The following SGCZ variants were observed in gnomAD, a reference collection of about 807,000 sequenced individuals.
SGCZ encodes the protein sarcoglycan zeta.
Under a neutral mutation model 41.3 loss-of-function variants are expected in SGCZ, and 40 were observed. The ratio of observed to expected loss-of-function variants is 0.97; its 90% confidence interval spans 0.75 to 1.26. SGCZ has a LOEUF of 1.26. Among genes scored for constraint, SGCZ ranks in the 50% most tolerant of loss-of-function variants. The probability of loss-of-function intolerance (pLI) is 0.00; values close to 1 mark genes in which losing one functional copy is unlikely to be tolerated. For missense variants in SGCZ, 552 were observed against 369.8 expected (o/e 1.49, Z -4.04); for synonymous variants, 206 against 137.5 (o/e 1.50, Z -3.49).
At chr8:14,634,250 C>G (rs1162560897) in intron 1 of SGCZ, among the ~76,000 whole-genome samples, 1 of 151,766 alleles carries the variant, frequency 6.6e-6, no homozygotes, top group East Asian at 1.9e-4. Flanking sequence ...TCCATAGTAT[C>G]AAACTAAATT....
At chr8:15,119,175 G>C (rs1169330359) in intron 1 of SGCZ, among the ~76,000 whole-genome samples, 2 of 152,110 alleles carry the variant, frequency 1.3e-5, no homozygotes, top group Non-Finnish European at 2.9e-5. Context: ...GACAGAAATA[G>C]CAATGAACAT....
At chr8:14,725,404 C>T (rs2165591) in intron 1 of SGCZ, among the ~76,000 whole-genome samples, 26,883 of 151,972 alleles carry the variant, frequency 0.18, 2,782 homozygotes, top group East Asian at 0.29. Flanking sequence ...TTTGAGGAAC[C>T]GTTTTCCTTA....
chr8:15,222,888 G>C (rs1220043589), intron 1 of SGCZ, among the ~76,000 whole-genome samples: 1 of 152,018 alleles, frequency 6.6e-6, no homozygotes, highest in Non-Finnish European at 1.5e-5. Context: ...ACAACAAATG[G>C]AAAGTAAATG....
chr8:14,404,942 G>A (rs914338242), intron 2 of SGCZ, among the ~76,000 whole-genome samples: 7 of 152,210 alleles, frequency 4.6e-5, no homozygotes, highest in African/African-American at 1.7e-4. Context: ...ATTGCCGGCA[G>A]TGGCTTTAAA....
chr8:14,976,894 A>T (rs1801496120), intron 1 of SGCZ, among the ~76,000 whole-genome samples: 1 of 152,222 alleles, frequency 6.6e-6, no homozygotes, highest in African/African-American at 2.4e-5. Context: ...TAAGTTCTAG[A>T]AAAAGATTGG....
intron 4 of SGCZ, among the ~76,000 whole-genome samples, chr8:14,190,291 C>T (rs543023272): frequency 6.6e-6 from 1 of 151,968 alleles, no homozygotes; most frequent in Admixed American, 6.5e-5. Flanking sequence ...GGATTACAGG[C>T]GTGAGCCACA....
At chr8:14,216,831 T>G (rs764989424) in intron 4 of SGCZ, among the ~76,000 whole-genome samples, 6 of 152,166 alleles carry the variant, frequency 3.9e-5, no homozygotes, top group Non-Finnish European at 5.9e-5. Flanking sequence ...CTTGCAGCAC[T>G]CTGAGTCATG....
chr8:14,121,171 T>C (rs1038200234), intron 5 of SGCZ, among the ~76,000 whole-genome samples: 4 of 152,096 alleles, frequency 2.6e-5, no homozygotes, highest in Admixed American at 6.5e-5. Flanking sequence ...ATGTTGAATA[T>C]TGAACATAAA....
At chr8:14,395,966 G>C (rs1348909175) in intron 2 of SGCZ, among the ~76,000 whole-genome samples, 1 of 152,188 alleles carries the variant, frequency 6.6e-6, no homozygotes, top group Non-Finnish European at 1.5e-5. Context: ...AAGAGTTAAA[G>C]TGAAGTCATC....
chr8:15,161,459 G>T (rs1276795328), intron 1 of SGCZ, among the ~76,000 whole-genome samples: 1 of 151,926 alleles, frequency 6.6e-6, no homozygotes, highest in African/African-American at 2.4e-5. Flanking sequence ...TCACCATCAG[G>T]ATGTCTGCTT....
chr8:14,807,434 G>A (rs907699195), intron 1 of SGCZ, among the ~76,000 whole-genome samples: 1 of 151,926 alleles, frequency 6.6e-6, no homozygotes, highest in Non-Finnish European at 1.5e-5. Context: ...TATACACCAA[G>A]AGCAGACAAA....
intron 2 of SGCZ, among the ~76,000 whole-genome samples, chr8:14,358,507 G>C (rs1185626490): frequency 6.6e-6 from 1 of 151,650 alleles, no homozygotes. Flanking sequence ...TATATGTCAA[G>C]GAAACTAGTT....
chr8:14,727,593 C>T (rs753090112), intron 1 of SGCZ, among the ~76,000 whole-genome samples: 2 of 151,600 alleles, frequency 1.3e-5, no homozygotes, highest in Non-Finnish European at 2.9e-5. Context: ...TCACCACAAG[C>T]TCCGCCTCCC....
intron 4 of SGCZ, among the ~76,000 whole-genome samples, chr8:14,186,837 G>A (rs945374727): frequency 6.6e-6 from 1 of 152,144 alleles, no homozygotes; most frequent in Admixed American, 6.5e-5. Flanking sequence ...TAGGCTACAG[G>A]GTAGCTAGTT....
intron 1 of SGCZ, among the ~76,000 whole-genome samples, chr8:14,854,032 T>C (rs1282964830): frequency 1.6e-5 from 2 of 126,920 alleles, no homozygotes; most frequent in East Asian, 4.1e-4. Flanking sequence ...TATATATATA[T>C]ATATATATAT....
chr8:14,449,480 A>G (rs1563336788), intron 2 of SGCZ, among the ~76,000 whole-genome samples: 1 of 152,164 alleles, frequency 6.6e-6, no homozygotes. Context: ...CATTGCTACC[A>G]TACACTTAAT....
At chr8:14,689,366 A>G (rs1204018709) in intron 1 of SGCZ, among the ~76,000 whole-genome samples, 1 of 152,220 alleles carries the variant, frequency 6.6e-6, no homozygotes, top group Non-Finnish European at 1.5e-5. Flanking sequence ...AAACAAATAC[A>G]TTGTTTAATG....
chr8:14,346,499 G>A (rs965695417), intron 2 of SGCZ, among the ~76,000 whole-genome samples: 1 of 151,996 alleles, frequency 6.6e-6, no homozygotes, highest in Non-Finnish European at 1.5e-5. Flanking sequence ...AGGCTGGTTA[G>A]GTGAACCCAC....
At chr8:14,233,806 T>G (rs988755391) in intron 4 of SGCZ, among the ~76,000 whole-genome samples, 1 of 151,680 alleles carries the variant, frequency 6.6e-6, no homozygotes, top group African/African-American at 2.4e-5. Flanking sequence ...CTAAAAAACA[T>G]AATAATTATA....
Sources: allele counts gnomAD v4.1 joint callset (sites outside exome capture counted in the v4.1 genomes callset), GRCh38; gene constraint gnomAD v4.1.1; transcripts MANE v1.5; gene names NCBI Gene and HGNC (gene_info 2026-07-23, HGNC 2026-07-21).